Variants in CIC observed in about 807,000 individuals in gnomAD.
CIC encodes the protein capicua transcriptional repressor.
In CIC, 18 loss-of-function variants were observed where a neutral mutation model predicts 115.7. That is an observed-to-expected ratio of 0.16 (90% CI 0.11 to 0.23). The LOEUF is 0.23. Among genes scored for constraint, CIC ranks in the 10% least tolerant of loss-of-function variants. CIC has a pLI of 1.00. For synonymous variants in CIC, 1,076 were observed against 923.0 expected, an observed-to-expected ratio of 1.17 and a Z score of -3.01; for missense variants, 2,000 against 2,159.3, an observed-to-expected ratio of 0.93 and a Z score of 1.46.
intron 2 of CIC, among the ~76,000 whole-genome samples, chr19:42,286,413 G>A (rs908456211): frequency 6.6e-6 from 1 of 152,096 alleles, no homozygotes; most frequent in Admixed American, 6.5e-5. Context: ...GCCCGTAGAG[G>A]TCTGGGGCCT....
chr19:42,286,678 G>T (rs1033895125), intron 2 of CIC, 93 bp from the exon 3 acceptor site: 2 of 1,549,382 alleles, frequency 1.3e-6, no homozygotes, highest in African/African-American at 2.7e-5. Context: ...AGACAAAAGG[G>T]GTGGGGCTAC....
Position 42,287,757 on chromosome 19 carries a change from GCTT to G in CIC, c.3492+36_3492+38del, listed in dbSNP as rs756026733. The G allele has an allele frequency of 1.9e-6, 3 of 1,614,042 alleles. No individual in the cohort carries two copies. The highest frequency in any genetic ancestry group is 2.7e-5 in the African/African-American group (2 of 74,928). The stretch of plus-strand genomic sequence containing the variant: ...CGCTGTTGCCTCTTGGCTCCTCCCA[GCTT>G]CTTCTGGTGGGGTGGGTGAGTGAAG... On this transcript the variant is annotated intron_variant, in intron 6 of 20. Coordinates refer to ENST00000681038, the MANE Select transcript of CIC (RefSeq NM_001386298.1). The surrounding 1 kb of genome is among the most constrained non-coding windows in gnomAD (Gnocchi z 8.7).
In CIC at chr19:42,290,822, C is replaced by T; in HGVS notation, c.4781C>T (p.Pro1594Leu). ...CGGCCTGTCAGCAGCACTCCTGTGC[C>T]CATCGCCTCTAAGCCCTTCCCCACC... The part of the protein sequence containing the change: ...VVRPVSSTPV[P>L]IASKPFPTSG... Residue 1594 changes from proline to leucine, a missense_variant, in exon 11 of 21, where the codon CCC (proline) becomes CTC (leucine). Transcript: ENST00000681038. The T allele has an allele frequency of 6.2e-7, 1 of 1,609,000 alleles. No homozygotes were observed. Among genetic ancestry groups the T allele is most frequent in the Non-Finnish European group, 8.5e-7 (1 of 1,178,096 alleles).
Position 42,294,931 on chromosome 19 carries a change from A to G in CIC, c.7294A>G (p.Thr2432Ala), listed in dbSNP as rs1158021184. The G allele has an allele frequency of 1.3e-6, 2 of 1,599,770 alleles. No homozygotes were observed. The highest frequency in any genetic ancestry group is 1.7e-6 in the Non-Finnish European group (2 of 1,179,844). ...EVRQKIMQAA[T>A]PTEQPPGAEA... is the part of the protein sequence containing the mutation. ...GCGCCAGAAGATCATGCAGGCTGCC[A>G]CTCCCACGGAGCAGCCCCCTGGAGC... The change falls in exon 21 of 21, where the codon ACT becomes GCT. Residue 2432 changes from threonine to alanine, a missense_variant. Coordinates refer to ENST00000681038, the MANE Select transcript of CIC (RefSeq NM_001386298.1).
At chr19:42,288,822 G>T in intron 7 of CIC, 66 bp from the exon 8 acceptor site, 1 of 1,431,138 alleles carries the variant, frequency 7.0e-7, no homozygotes, top group Non-Finnish European at 9.8e-7. Context: ...TCTATGGGTT[G>T]TTGGGCCAGT....
In CIC at chr19:42,288,958, C is replaced by T; in HGVS notation, c.3729C>T (p.Ser1243=). ...LSSDTKAPGS[S]SCGAERLHTV... ...CAGACACCAAGGCTCCGGGGAGCAGCTCCTGTGGGGCAGAACGGCTACACA... is the reference window on the plus strand; with the variant it reads ...CAGACACCAAGGCTCCGGGGAGCAGTTCCTGTGGGGCAGAACGGCTACACA... The change falls in exon 8 of 21, where the codon AGC becomes AGT. Residue 1243 remains serine, a synonymous_variant. Coordinates refer to ENST00000681038, the MANE Select transcript of CIC (RefSeq NM_001386298.1). 1.9e-6 allele frequency: 3 copies of T among 1,614,116 alleles called. No homozygotes were observed. Among genetic ancestry groups the T allele is most frequent in the Non-Finnish European group, 2.5e-6 (3 of 1,180,044 alleles).
chr19:42,292,731 C>T lies in CIC; in HGVS notation c.6068C>T (p.Ala2023Val). The change falls in exon 15 of 21, where the codon GCC becomes GTC. Residue 2023 changes from alanine (A) to valine (V), a missense_variant. By Grantham distance (64) the Ala-to-Val change is moderately conservative. Transcript: ENST00000681038. ...SSAPLAQPSQ[A>V]PPSLVYTVAT... is the part of the protein sequence containing the mutation. The stretch of plus-strand genomic sequence containing the variant: ...GCACCCCTGGCCCAGCCATCCCAGG[C>T]CCCCCCAAGCCTGGTCTACACTGTG... 6.2e-7 allele frequency: 1 copy of T among 1,613,680 alleles called. No homozygotes were observed. The highest frequency in any genetic ancestry group is 8.5e-7 in the Non-Finnish European group (1 of 1,179,926).
chr19:42,278,052 G>A (rs969873890), intron 2 of CIC, among the ~76,000 whole-genome samples: 2 of 152,274 alleles, frequency 1.3e-5, no homozygotes, highest in Non-Finnish European at 2.9e-5. Flanking sequence ...GGCAGCAGGT[G>A]TGAGGGGGCG....
Position 42,293,830 on chromosome 19 carries a change from T to C in CIC, c.6761T>C (p.Val2254Ala), listed in dbSNP as rs1256027307. ...PPPLKKTFDSVDNRVLSEVDF... is the reference protein window; with the variant it reads ...PPPLKKTFDSADNRVLSEVDF... ...CCCCTGAAGAAGACCTTTGACTCTG[T>C]GGACAAGTGAGCATGGGCTGGGGCC... Residue 2254 changes from valine to alanine, a missense_variant, in exon 17 of 21, where the codon GTG becomes GCG. Physicochemically the swap from Val to Ala is moderately conservative, Grantham distance 64. This residue lies in a region of CIC where 99 missense variants were observed against 217.6 expected (regional missense o/e 0.45). Transcript: ENST00000681038. 6.2e-7 allele frequency: 1 copy of C among 1,612,630 alleles called. No homozygotes were observed. The highest frequency in any genetic ancestry group is 1.7e-5 in the Admixed American group (1 of 60,010).
In CIC at chr19:42,292,740, G is replaced by A. The variant is rs767173174; in HGVS notation, c.6077G>A (p.Ser2026Asn). 1 of 1,613,534 alleles carries A rather than the reference G, an allele frequency of 6.2e-7. No homozygotes were observed. Among genetic ancestry groups the A allele is most frequent in the Non-Finnish European group, 8.5e-7 (1 of 1,179,920 alleles). Residue 2026 changes from serine to asparagine, a missense_variant, in exon 15 of 21, where the codon AGC (serine) becomes AAC (asparagine). Physicochemically the swap from Ser to Asn is conservative, Grantham distance 46 (BLOSUM62 1). This residue lies in a region of CIC where 1,466 missense variants were observed against 1,390.4 expected (regional missense o/e 1.05). Coordinates refer to ENST00000681038, the MANE Select transcript of CIC (RefSeq NM_001386298.1). ...GCCCAGCCATCCCAGGCCCCCCCAA[G>A]CCTGGTCTACACTGTGGCCACCAGC... ...PLAQPSQAPPSLVYTVATSTT... is the reference protein window; with the variant it reads ...PLAQPSQAPPNLVYTVATSTT...
At chr19:42,292,883 CAGAGTG>C (rs1568524533) in intron 15 of CIC, 24 bp downstream of exon 15, 1 of 1,613,870 alleles carries the variant, frequency 6.2e-7, no homozygotes, top group East Asian at 2.2e-5. Context: ...CAACCCAGAG[CAGAGTG>C]AGTTGGGGGA....
rs1202850110 is a variant in CIC at position 42,272,496 on chromosome 19, G to A, written c.713G>A (p.Arg238Gln). 2.8e-5 allele frequency: 11 copies of A among 398,444 alleles called. No individual in the cohort carries two copies. The highest frequency in any genetic ancestry group is 6.2e-4 in the Middle Eastern group (1 of 1,612). The allele number at this position is 398,444 out of a possible 1,614,324, so 24.7% of individuals were successfully genotyped here. Residue 238 changes from arginine to glutamine, a missense_variant, in exon 2 of 21, where the codon CGA (arginine) becomes CAA (glutamine). By Grantham distance (43) the Arg-to-Gln change is conservative. Transcript: ENST00000681038. ...CTGGGCGTGCAGTTCCCTGGTGACC[G>A]AGCCCTGACTTTCTATGAGGGGGTG... is the stretch of plus-strand genomic sequence containing the variant. ...QDLGVQFPGD[R>Q]ALTFYEGVPG...
rs1382036953 is a variant in CIC, at chr19:42,272,155, G to A, written c.372G>A (p.Glu124=). 5.0e-6 allele frequency: 2 copies of A among 398,972 alleles called. No individual in the cohort carries two copies. The highest frequency in any genetic ancestry group is 4.4e-5 in the Admixed American group (1 of 22,728). 24.7% of individuals were successfully genotyped at this position (398,972 alleles called of 1,614,324 possible). A position where few individuals can be genotyped will look rare whatever the true frequency, so the allele number is the denominator to read the frequency against. The change falls in exon 2 of 21, where the codon GAG becomes GAA. Residue 124 remains glutamate (E), a synonymous_variant. Transcript: ENST00000681038. ...KSRAPKKKYV[E]EHGAGSSGVA... is the part of the protein sequence containing the mutation. ...GAGCGCCCAAGAAGAAGTATGTGGA[G>A]GAGCACGGAGCTGGCAGCAGTGGGG...
In CIC at chr19:42,294,642, G is replaced by T; in HGVS notation, c.7093G>T (p.Asp2365Tyr). ...AEDVLGELEYDKVPYSSLRRT... is the reference protein window; with the variant it reads ...AEDVLGELEYYKVPYSSLRRT... ...GGACGTGCTTGGGGAGCTAGAGTAT[G>T]ACAAGGTGCCATACTCCTCCCTGCG... The change falls in exon 20 of 21, where the codon GAC (aspartate) becomes TAC (tyrosine). Residue 2365 changes from aspartate (D) to tyrosine (Y), a missense_variant. Physicochemically the swap from Asp to Tyr is radical, Grantham distance 160. Coordinates refer to ENST00000681038, the MANE Select transcript of CIC (RefSeq NM_001386298.1). 1 of 1,613,750 alleles carries T rather than the reference G, an allele frequency of 6.2e-7. No homozygotes were observed. The highest frequency in any genetic ancestry group is 1.1e-5 in the South Asian group (1 of 91,070).
Position 42,292,679 on chromosome 19 carries a change from T to C in CIC, c.6016T>C (p.Ser2006Pro). ...PGGPVITAFY[S>P]GSPAPTSSAP... ...AGGTCCTGTCATAACAGCATTTTAC[T>C]CTGGCAGCCCTGCACCCACCTCCTC... Residue 2006 changes from serine (S) to proline (P), a missense_variant, in exon 15 of 21, where the codon TCT (serine) becomes CCT (proline). Ser to Pro is a moderately conservative substitution (Grantham distance 74, BLOSUM62 -1). Around this residue, in one of 8 missense-constraint regions of CIC, gnomAD observed 1,466 missense variants for 1,390.4 expected, o/e 1.05. Coordinates refer to ENST00000681038, the MANE Select transcript of CIC (RefSeq NM_001386298.1). 1 of 1,613,794 alleles carries C rather than the reference T, an allele frequency of 6.2e-7. No individual in the cohort carries two copies. The highest frequency in any genetic ancestry group is 8.5e-7 in the Non-Finnish European group (1 of 1,179,956).
chr19:42,292,181 G>C lies in CIC; in HGVS notation c.5709G>C (p.Gln1903His). The C allele has an allele frequency of 1.9e-6, 3 of 1,614,002 alleles. No homozygotes were observed. Among genetic ancestry groups the C allele is most frequent in the Non-Finnish European group, 2.5e-6 (3 of 1,180,016 alleles). ...TCCCTGGACCCACCTCTCAGCCTCA[G>C]AAGGTCCTGTTGCCCTCCTCCACCA... Reference protein sequence around the residue: ...ATLPGPTSQPQKVLLPSSTRI... With the variant: ...ATLPGPTSQPHKVLLPSSTRI... The change falls in exon 13 of 21, where the codon CAG becomes CAC. Residue 1903 changes from glutamine to histidine, a missense_variant. Transcript: ENST00000681038.
intron 7 of CIC, 132 bp from the exon 8 acceptor site, chr19:42,288,756 T>C (rs2037849494): frequency 2.5e-6 from 2 of 815,132 alleles, no homozygotes; most frequent in Non-Finnish European, 2.0e-6. Context: ...GTGGTTTTTT[T>C]TTTTCACCAA....
chr19:42,295,143 G>GGGCGCCCCCCCCC lies in CIC; in HGVS notation c.7506_7507insGGCGCCCCCCCCC (p.Pro2503GlyfsTer24). The GGGCGCCCCCCCCC allele has an allele frequency of 7.2e-7, 1 of 1,382,728 alleles. No individual in the cohort carries two copies. Among genetic ancestry groups the GGGCGCCCCCCCCC allele is most frequent in the African/African-American group, 1.5e-5 (1 of 68,110 alleles). The allele number at this position is 1,382,728 out of a possible 1,614,324, so 85.7% of individuals were successfully genotyped here. On this transcript the variant is annotated frameshift_variant, in exon 21 of 21. Coordinates refer to ENST00000681038, the MANE Select transcript of CIC (RefSeq NM_001386298.1). LOFTEE classifies it high-confidence loss of function. ...AGCCTGGCTGGGAGGGGGCTCCCCA[G>GGGCGCCCCCCCCC]CCCTCCCCCCCACCCCCAGGTCCCT...
rs775743872 is a variant in CIC at position 42,295,010 on chromosome 19, C to A, written c.7373C>A (p.Pro2458His). 1.3e-6 allele frequency: 2 copies of A among 1,592,908 alleles called. No individual in the cohort carries two copies. The highest frequency in any genetic ancestry group is 1.7e-6 in the Non-Finnish European group (2 of 1,176,306). ...PPTGTAAAPA[P>H]TPSPAGGPDP... is the part of the protein sequence containing the mutation. ...ACTGGCACCGCTGCTGCCCCTGCCC[C>A]CACTCCCAGCCCCGCAGGGGGCCCT... is the stretch of plus-strand genomic sequence containing the variant. Residue 2458 changes from proline (P) to histidine (H), a missense_variant, in exon 21 of 21, where the codon CCC becomes CAC. Coordinates refer to ENST00000681038, the MANE Select transcript of CIC (RefSeq NM_001386298.1).
Sources: allele counts gnomAD v4.1 joint callset (sites outside exome capture counted in the v4.1 genomes callset), GRCh38; gene constraint gnomAD v4.1.1; regional missense constraint gnomAD v4.1.1; non-coding constraint Gnocchi (gnomAD v3.1); transcripts MANE v1.5; gene names NCBI Gene and HGNC (gene_info 2026-07-23, HGNC 2026-07-21).